The following IRAK1BP1 variants were observed in gnomAD, a reference collection of about 807,000 sequenced individuals.
IRAK1BP1 encodes interleukin 1 receptor associated kinase 1 binding protein 1.
A neutral mutation model predicts 28.0 loss-of-function variants in IRAK1BP1; 24 were observed. The observed-to-expected ratio is 0.86, with a 90% confidence interval of 0.62 to 1.20. IRAK1BP1 has a LOEUF of 1.20. Among genes scored for constraint, IRAK1BP1 ranks in the 50% most tolerant of loss-of-function variants. The pLI, the probability that IRAK1BP1 is intolerant of heterozygous loss-of-function variation, is 0.00. For missense variants in IRAK1BP1, 336 were observed against 316.7 expected, an observed-to-expected ratio of 1.06 and a Z score of -0.46; for synonymous variants, 131 against 116.3, an observed-to-expected ratio of 1.13 and a Z score of -0.81.
downstream of IRAK1BP1, chr6:78,947,000 C>A (rs983186266): frequency 1.9e-6 from 1 of 534,798 alleles, no homozygotes; most frequent in Non-Finnish European, 3.2e-6. Flanking sequence ...TTTTTACATC[C>A]CTTTTTCCTA....
chr6:78,921,744 G>C (rs1462229802), intron 4 of IRAK1BP1, among the ~76,000 whole-genome samples: 1 of 152,176 alleles, frequency 6.6e-6, no homozygotes, highest in Non-Finnish European at 1.5e-5. Context: ...GGAACGATCA[G>C]GCAGCAACAT....
chr6:78,954,874 G>A, the IRAK1BP1 span: 1 of 1,584,990 alleles, frequency 6.3e-7, no homozygotes, highest in South Asian at 1.2e-5. Flanking sequence ...ATTGAAATAT[G>A]AGATTTAACA....
In IRAK1BP1 at chr6:78,898,383, A is replaced by G. The variant is rs1275284285; in HGVS notation, c.*49A>G. 11 of 841,504 alleles carry G rather than the reference A, an allele frequency of 1.3e-5. No homozygotes were observed. The highest frequency in any genetic ancestry group is 1.8e-5 in the Non-Finnish European group (11 of 615,784). 52.1% of individuals were successfully genotyped at this position (841,504 alleles called of 1,614,324 possible). On this transcript the variant is annotated 3_prime_UTR_variant, in exon 4 of 4. Transcript: ENST00000369940. ...CTTGTATCTTTTTACCTATTTTTAT[A>G]CTTTTTATAATGTTTACGTTTGTCC...
chr6:78,965,913 G>C, the IRAK1BP1 span: 7 of 1,493,280 alleles, frequency 4.7e-6, no homozygotes, highest in Admixed American at 3.3e-5. Context: ...AGCAAGCCTA[G>C]GTGAACTAAA....
intron 4 of IRAK1BP1, chr6:78,937,525 A>C (rs1481859485): frequency 6.6e-6 from 1 of 151,744 alleles, no homozygotes; most frequent in Non-Finnish European, 1.5e-5. Flanking sequence ...GTGATAACTA[A>C]ATTTAGTCAA....
the IRAK1BP1 span, among the ~76,000 whole-genome samples, chr6:78,966,980 T>C: frequency 1.3e-5 from 2 of 152,260 alleles, no homozygotes; most frequent in African/African-American, 2.4e-5. Flanking sequence ...CTGGTAGTTT[T>C]TGACTAATGA....
chr6:78,889,726 T>C (rs570445630), intron 2 of IRAK1BP1, among the ~76,000 whole-genome samples: 1 of 152,138 alleles, frequency 6.6e-6, no homozygotes, highest in South Asian at 2.1e-4. Flanking sequence ...TGAGATACCA[T>C]CTCATGTCAG....
chr6:78,923,256 G>A (rs1382748168), intron 4 of IRAK1BP1, among the ~76,000 whole-genome samples: 9 of 151,360 alleles, frequency 5.9e-5, no homozygotes, highest in Admixed American at 4.6e-4. Flanking sequence ...AAAAAAAAAA[G>A]GGCAGGGGTT....
chr6:78,946,804 T>C (rs770096063), downstream of IRAK1BP1: 10 of 1,595,246 alleles, frequency 6.3e-6, no homozygotes, highest in South Asian at 1.1e-4. Flanking sequence ...AAGAGCAGAT[T>C]TATAATCTGA....
the IRAK1BP1 span, chr6:78,954,681 T>C: frequency 3.4e-6 from 2 of 592,612 alleles, no homozygotes; most frequent in African/African-American, 2.0e-5. Context: ...TGTAGCCAAA[T>C]GGATAATGAG....
At chr6:78,974,109 T>G in the IRAK1BP1 span, among the ~76,000 whole-genome samples, 2 of 151,932 alleles carry the variant, frequency 1.3e-5, no homozygotes, top group African/African-American at 2.4e-5. Flanking sequence ...ATTCCAAAAT[T>G]GACCACATAC....
At chr6:78,930,856 G>A (rs1036703187) in intron 4 of IRAK1BP1, among the ~76,000 whole-genome samples, 2 of 151,920 alleles carry the variant, frequency 1.3e-5, no homozygotes, top group African/African-American at 4.8e-5. Context: ...ACTTGAACCC[G>A]GTAGGTGGAA....
chr6:78,879,640 C>T (rs1387123045), intron 1 of IRAK1BP1, among the ~76,000 whole-genome samples: 1 of 152,194 alleles, frequency 6.6e-6, no homozygotes, highest in Admixed American at 6.5e-5. Context: ...CTTCTGCCCA[C>T]TGCATTTTGG....
At chr6:78,970,876 G>A in the IRAK1BP1 span, 3 of 1,602,582 alleles carry the variant, frequency 1.9e-6, no homozygotes, top group Non-Finnish European at 1.7e-6. Context: ...TGTCCTTGTC[G>A]GAAATAATAA....
chr6:78,909,682 C>A (rs1245805543), intron 4 of IRAK1BP1, among the ~76,000 whole-genome samples: 1 of 152,142 alleles, frequency 6.6e-6, no homozygotes, highest in Non-Finnish European at 1.5e-5. Context: ...AAGATGAAGT[C>A]CAGATGCCAA....
downstream of IRAK1BP1, among the ~76,000 whole-genome samples, chr6:78,948,081 C>T (rs143911796): frequency 6.6e-6 from 1 of 152,140 alleles, no homozygotes; most frequent in African/African-American, 2.4e-5. Flanking sequence ...GGAAAAAGCC[C>T]AGCTCTACAA....
At chr6:78,935,557 A>T (rs1193927292) in intron 4 of IRAK1BP1, 2 of 966,118 alleles carry the variant, frequency 2.1e-6, no homozygotes, top group Non-Finnish European at 2.5e-6. Context: ...ATCACTCATC[A>T]CAGTAACTTA....
At chr6:78,877,251 T>C (rs1429909679) in intron 1 of IRAK1BP1, among the ~76,000 whole-genome samples, 1 of 152,218 alleles carries the variant, frequency 6.6e-6, no homozygotes, top group East Asian at 1.9e-4. Context: ...GCAGGTCTGT[T>C]AGTTTCTGTT....
rs1770632629 is a variant in IRAK1BP1, at chr6:78,867,772, G to A, written c.196G>A (p.Asp66Asn). The A allele has an allele frequency of 1.2e-6, 2 of 1,613,952 alleles. No individual in the cohort carries two copies. Among genetic ancestry groups the A allele is most frequent in the Non-Finnish European group, 1.7e-6 (2 of 1,180,000 alleles). Residue 66 changes from aspartate to asparagine, a missense_variant, in exon 1 of 4, where the codon GAC becomes AAC. Asp to Asn is a conservative substitution (Grantham distance 23). Transcript: ENST00000369940. ...CACCTCAGAAGTGTCTGCGGGCCCT[G>A]ACCGGGCGCAGGTGGTGGTGCGAGT... ...SGTSEVSAGP[D>N]RAQVVVRVSS...
Sources: gnomAD v4.1 joint callset for allele counts (sites outside exome capture counted in the v4.1 genomes callset) on GRCh38, gnomAD v4.1.1 for gene constraint, MANE v1.5 for transcripts, NCBI Gene and HGNC (gene_info 2026-07-23, HGNC 2026-07-21) for gene names.